The following TLE4 variants were observed in gnomAD, a reference collection of about 807,000 sequenced individuals.
TLE4 encodes transducin-like enhancer protein 4.
TLE4 carries 8 observed loss-of-function variants against 92.8 expected under a neutral mutation model. The ratio of observed to expected loss-of-function variants is 0.09; its 90% CI spans 0.05 to 0.16. The LOEUF is 0.16. Ranked by LOEUF, TLE4 falls within the 10% of genes least tolerant of loss-of-function variation. TLE4 has a pLI of 1.00. For missense variants in TLE4, 675 were observed against 997.6 expected, an observed-to-expected ratio of 0.68 and a Z score of 4.36; for synonymous variants, 371 against 374.1, an observed-to-expected ratio of 0.99 and a Z score of 0.10.
chr9:79,649,108 G>A (rs760902656), intron 6 of TLE4, among the ~76,000 whole-genome samples: 5 of 152,120 alleles, frequency 3.3e-5, no homozygotes, highest in African/African-American at 9.7e-5. Flanking sequence ...ACGTGTGAGT[G>A]GTCCTCGGTT....
chr9:79,686,226 G>T (rs1243029299), intron 8 of TLE4, among the ~76,000 whole-genome samples: 1 of 152,046 alleles, frequency 6.6e-6, no homozygotes, highest in Non-Finnish European at 1.5e-5. Context: ...GGAACCAAAC[G>T]CCCATGGATA....
intron 6 of TLE4, among the ~76,000 whole-genome samples, chr9:79,637,827 C>T (rs955152846): frequency 4.0e-5 from 6 of 151,690 alleles, no homozygotes; most frequent in Admixed American, 2.0e-4. Context: ...GAATTGCTTG[C>T]AGAATTGCCT....
At chr9:79,658,598 A>G (rs931395173) in intron 8 of TLE4, among the ~76,000 whole-genome samples, 1 of 152,190 alleles carries the variant, frequency 6.6e-6, no homozygotes, top group African/African-American at 2.4e-5. Context: ...ATTGAAGGGC[A>G]TGATTCAGGC....
In TLE4 at chr9:79,718,986, A is replaced by T. The variant is rs760732378; in HGVS notation, c.1590+15A>T. The T allele has an allele frequency of 6.3e-7, 1 of 1,599,446 alleles. No homozygotes were observed. The highest frequency in any genetic ancestry group is 1.3e-5 in the African/African-American group (1 of 74,816). On this transcript the variant is annotated intron_variant, in intron 15 of 19. Transcript: ENST00000376552. ...TCGACTGTCTGGTGAGTGAACATGG[A>T]TGAACAAGACTTAGACTTTCATTCA...
At chr9:79,697,765 A>G (rs905118666) in intron 8 of TLE4, among the ~76,000 whole-genome samples, 4 of 152,206 alleles carry the variant, frequency 2.6e-5, no homozygotes, top group African/African-American at 9.6e-5. Flanking sequence ...TGCTGAGGCC[A>G]TGAAAACAGA....
chr9:79,724,240 C>CGA (rs1291965918), intron 19 of TLE4, among the ~76,000 whole-genome samples: 9 of 151,572 alleles, frequency 5.9e-5, no homozygotes, highest in African/African-American at 2.4e-5. Context: ...CTGCATCCCT[C>CGA]TGAGGTGGTA....
At chr9:79,717,941 C>T (rs74973452) in intron 14 of TLE4, 4,642 of 456,242 alleles carry the variant, frequency 0.01, 182 homozygotes, top group African/African-American at 0.083. Flanking sequence ...CTTCAGTGCC[C>T]TAAAAATAAA....
intron 8 of TLE4, 129 bp from the exon 9 acceptor site, chr9:79,704,638 CCTCCGCTTTCTCCTAT>C (rs1172920218): frequency 1.9e-6 from 2 of 1,048,270 alleles, no homozygotes; most frequent in East Asian, 5.2e-5. Context: ...CCTTTCGTCT[CCTCCGCTTTCTCCTAT>C]CTCCTCTTAA....
At chr9:79,575,553 T>C (rs1336742272) in intron 3 of TLE4, among the ~76,000 whole-genome samples, 4 of 152,208 alleles carry the variant, frequency 2.6e-5, no homozygotes, top group Non-Finnish European at 5.9e-5. Flanking sequence ...ATGCCAGTTA[T>C]ACTACACGTT....
chr9:79,691,006 C>CA (rs2066961758), intron 8 of TLE4, among the ~76,000 whole-genome samples: 1 of 152,042 alleles, frequency 6.6e-6, no homozygotes, highest in East Asian at 1.9e-4. Flanking sequence ...ATTATATTGA[C>CA]AAACTTGATT....
intron 4 of TLE4, among the ~76,000 whole-genome samples, chr9:79,585,755 G>T (rs563052749): frequency 1.3e-5 from 2 of 151,846 alleles, no homozygotes; most frequent in African/African-American, 4.8e-5. Context: ...GAGTAGAAAT[G>T]TATATTTATA....
At chr9:79,589,126 C>G (rs1007673952) in intron 4 of TLE4, among the ~76,000 whole-genome samples, 6 of 152,216 alleles carry the variant, frequency 3.9e-5, no homozygotes, top group Non-Finnish European at 7.4e-5. Flanking sequence ...TCAGTAGTGC[C>G]AACACTCAGA....
chr9:79,707,043 G>C, intron 11 of TLE4, 144 bp downstream of exon 11: 1 of 1,567,470 alleles, frequency 6.4e-7, no homozygotes, highest in Non-Finnish European at 8.7e-7. Flanking sequence ...AGTTTAATTG[G>C]CAAAAGTATG....
At position 79,652,691 on chromosome 9, in the gene TLE4, C is replaced by T. The variant is rs555373051; in HGVS notation, c.489C>T (p.Ile163=). 24 of 1,614,194 alleles carry T rather than the reference C, an allele frequency of 1.5e-5. No homozygotes were observed. Among genetic ancestry groups the T allele is most frequent in the Admixed American group, 1.0e-4 (6 of 60,026 alleles). ...SGLQPPAIPP[I]GSSAGLLALS... is the part of the protein sequence containing the mutation. ...TCCAGCCCCCTGCCATTCCACCCAT[C>T]GGTAGCAGTGCCGGGCTTCTGGCCC... The change falls in exon 7 of 20, where the codon ATC becomes ATT. Residue 163 remains isoleucine, a synonymous_variant. Transcript: ENST00000376552.
intron 4 of TLE4, among the ~76,000 whole-genome samples, chr9:79,589,336 A>G (rs978912590): frequency 3.9e-5 from 6 of 152,000 alleles, no homozygotes; most frequent in African/African-American, 1.4e-4. Flanking sequence ...TCCCTTTCCC[A>G]TGATGATAAG....
chr9:79,576,361 A>C (rs557760269), intron 4 of TLE4, 184 bp downstream of exon 4: 75 of 378,524 alleles, frequency 2.0e-4, no homozygotes, highest in African/African-American at 1.4e-3. Flanking sequence ...TATTATCCTA[A>C]TTTTTATAAT....
intron 8 of TLE4, among the ~76,000 whole-genome samples, chr9:79,684,603 C>T (rs2065420130): frequency 6.6e-6 from 1 of 152,200 alleles, no homozygotes; most frequent in East Asian, 1.9e-4. Flanking sequence ...CGCCACCCCA[C>T]CTCCGTCCAT....
At chr9:79,700,000 C>T (rs564651178) in intron 8 of TLE4, among the ~76,000 whole-genome samples, 2 of 152,328 alleles carry the variant, frequency 1.3e-5, no homozygotes, top group South Asian at 2.1e-4. Flanking sequence ...AGAAGATCCA[C>T]ACTAGGTCAC....
At chr9:79,721,936 G>T (rs1171150522) in intron 17 of TLE4, 48 bp downstream of exon 17, 12 of 1,579,552 alleles carry the variant, frequency 7.6e-6, no homozygotes, top group Non-Finnish European at 1.0e-5. Flanking sequence ...TTAGGCTGAG[G>T]TGGGCGGATC....
Sources: gnomAD v4.1 joint callset for allele counts (sites outside exome capture counted in the v4.1 genomes callset) on GRCh38, gnomAD v4.1.1 for gene constraint, MANE v1.5 for transcripts, NCBI Gene and HGNC (gene_info 2026-07-23, HGNC 2026-07-21) for gene names.